The following HMX3 variants were observed in gnomAD, a reference collection of about 807,000 sequenced individuals.
HMX3 encodes H6 family homeobox 3, also known as homeobox protein HMX3.
A neutral mutation model predicts 22.8 loss-of-function variants in HMX3; 8 were observed. The ratio of observed to expected loss-of-function variants is 0.35; its 90% CI spans 0.21 to 0.63. The LOEUF is 0.63. Among genes scored for constraint, HMX3 ranks in the 30% least tolerant of loss-of-function variants. HMX3 has a pLI of 0.72. For synonymous variants in HMX3, 331 were observed against 250.9 expected (o/e 1.32, Z -3.02); for missense variants, 527 against 520.6 (o/e 1.01, Z -0.12).
Position 123,136,144 on chromosome 10 carries a change from TC to T in HMX3, c.96del (p.Ile33SerfsTer90). The T allele has an allele frequency of 8.2e-7, 1 of 1,213,436 alleles. No individual in the cohort carries two copies. Among genetic ancestry groups the T allele is most frequent in the South Asian group, 1.7e-5 (1 of 57,210 alleles). The allele number at this position is 1,213,436 out of a possible 1,614,324, so 75.2% of individuals were successfully genotyped here. A position where few individuals can be genotyped will look rare whatever the true frequency, so the allele number is the denominator to read the frequency against. On this transcript the variant is annotated frameshift_variant, in exon 1 of 2. Transcript: ENST00000357878. LOFTEE classifies it high-confidence loss of function. This position sits in a 1 kb window ranked among gnomAD's most constrained non-coding sequence, Gnocchi z 4.8. ...ACCCGCTCCCAAGGAGTCCCCGTTCTCCATCAAGAACCTGCTCAACGGAGAC... is the reference window on the plus strand; with the variant it reads ...ACCCGCTCCCAAGGAGTCCCCGTTCTCATCAAGAACCTGCTCAACGGAGAC... ...PPPAPKESPFSIKNLLNGDHH... is the reference protein window; with the variant it reads ...PPPAPKESPFXIKNLLNGDHH...
In HMX3 at chr10:123,136,330, C is replaced by T. The variant is rs367615610; in HGVS notation, c.280C>T (p.Pro94Ser). 1.9e-6 allele frequency: 3 copies of T among 1,569,416 alleles called. No individual in the cohort carries two copies. Among genetic ancestry groups the T allele is most frequent in the African/African-American group, 1.4e-5 (1 of 71,252 alleles). The change falls in exon 1 of 2, where the codon CCT (proline) becomes TCT (serine). Residue 94 changes from proline (P) to serine (S), a missense_variant. Physicochemically the swap from Pro to Ser is moderately conservative, Grantham distance 74. This residue lies in a region of HMX3 where 386 missense variants were observed against 337.8 expected (regional missense o/e 1.14). Transcript: ENST00000357878. The surrounding 1 kb of genome is among the most constrained non-coding windows in gnomAD (Gnocchi z 4.8). The stretch of plus-strand genomic sequence containing the variant: ...CTCGCAGGTGGGCGACCTGGCTTTC[C>T]CTCGCTTTGAGATCCCGGCGCAGAG... The part of the protein sequence containing the change: ...ALSQVGDLAF[P>S]RFEIPAQRFA...
Position 123,136,121 on chromosome 10 carries a change from C to T in HMX3, c.71C>T (p.Pro24Leu), listed in dbSNP as rs778583099. ...AQPQPPPPPPPAPKESPFSIK... is the reference protein window; with the variant it reads ...AQPQPPPPPPLAPKESPFSIK... ...CCCCAACCGCCGCCGCCCCCCCCAC[C>T]CGCTCCCAAGGAGTCCCCGTTCTCC... The change falls in exon 1 of 2, where the codon CCC becomes CTC. Residue 24 changes from proline (P) to leucine (L), a missense_variant. Physicochemically the swap from Pro to Leu is moderately conservative, Grantham distance 98. Transcript: ENST00000357878. The surrounding 1 kb of genome is among the most constrained non-coding windows in gnomAD (Gnocchi z 4.8). The T allele has an allele frequency of 4.3e-6, 6 of 1,380,400 alleles. No homozygotes were observed. In the South Asian group the frequency reaches 8.9e-5, roughly 20 times the overall value. The allele number at this position is 1,380,400 out of a possible 1,614,324, so 85.5% of individuals were successfully genotyped here. A position where few individuals can be genotyped will look rare whatever the true frequency, so the allele number is the denominator to read the frequency against.
rs553154092 is a variant in HMX3 at position 123,138,169 on chromosome 10, G to T, written c.*438G>T. 4.2e-4 allele frequency among the ~76,000 whole-genome samples: 47 copies of T among 112,454 alleles called. No homozygotes were observed. Among genetic ancestry groups the T allele is most frequent in the African/African-American group, 1.4e-3 (46 of 32,062 alleles). 73.8% of individuals were successfully genotyped at this position (112,454 alleles called of 152,430 possible). ...CTGCTTTTTTTTTTTTTTCCGAGACGGAATCTTGCTCTATCTATTGCCCAG... is the reference window on the plus strand; with the variant it reads ...CTGCTTTTTTTTTTTTTTCCGAGACTGAATCTTGCTCTATCTATTGCCCAG... On this transcript the variant is annotated 3_prime_UTR_variant, in exon 2 of 2. Coordinates refer to ENST00000357878, the MANE Select transcript of HMX3 (RefSeq NM_001105574.2).
rs1045692657 is a variant in HMX3, at chr10:123,136,750, G to T, written c.400+300G>T. Among the ~76,000 whole-genome samples the T allele has an allele frequency of 1.3e-5, 2 of 152,136 alleles. No homozygotes were observed. The highest frequency in any genetic ancestry group is 4.8e-5 in the African/African-American group (2 of 41,430). On this transcript the variant is annotated intron_variant, in intron 1 of 1. Transcript: ENST00000357878. This position sits in a 1 kb window ranked among gnomAD's most constrained non-coding sequence, Gnocchi z 4.8. ...CTTGGGACACGGCCTGGAAGGAGGG[G>T]GTGATTCCAATGCGCCTAAGCCGAA...
Position 123,137,119 on chromosome 10 carries a change from G to A in HMX3, c.462G>A (p.Pro154=), listed in dbSNP as rs376174176. The change falls in exon 2 of 2, where the codon CCG becomes CCA. Residue 154 remains proline, a synonymous_variant. Coordinates refer to ENST00000357878, the MANE Select transcript of HMX3 (RefSeq NM_001105574.2). The surrounding 1 kb of genome is among the most constrained non-coding windows in gnomAD (Gnocchi z 5.8). ...CCTCCGGCACAGACCGCGACTCTCC[G>A]GAGCCACTGCTCAAGGCCGACCCCG... is the stretch of plus-strand genomic sequence containing the variant. ...SPASGTDRDS[P]EPLLKADPDH... is the part of the protein sequence containing the mutation. The A allele has an allele frequency of 3.1e-6, 5 of 1,610,450 alleles. No individual in the cohort carries two copies. The South Asian group carries it at 4.4e-5, about 14-fold the overall frequency.
rs375516651 is a variant in HMX3, at chr10:123,136,437, C to A, written c.387C>A (p.Leu129=). 5.2e-4 allele frequency: 759 copies of A among 1,450,632 alleles called. 12 individuals carry two copies. The South Asian group carries it at 9.9e-3, about 19-fold the overall frequency. The allele number at this position is 1,450,632 out of a possible 1,614,324, so 89.9% of individuals were successfully genotyped here. A position where few individuals can be genotyped will look rare whatever the true frequency, so the allele number is the denominator to read the frequency against. ...PYTLTPAGGH[L]PRPEASEKAL... ...CCCTGACCCCCGCCGGCGGCCACCT[C>A]CCGCGACCTGAAGGTACCGACCTCT... The change falls in exon 1 of 2, where the codon CTC becomes CTA. Residue 129 remains leucine, a synonymous_variant. Coordinates refer to ENST00000357878, the MANE Select transcript of HMX3 (RefSeq NM_001105574.2). The surrounding 1 kb of genome is among the most constrained non-coding windows in gnomAD (Gnocchi z 4.8).
In HMX3 at chr10:123,138,554, C is replaced by A. The variant is rs1372566417; in HGVS notation, c.*823C>A. ...TTCTGGGTATGTTTCTTCCTCCCAACCCCCAAATCAGTTATCCACCTTAAT... is the reference window on the plus strand; with the variant it reads ...TTCTGGGTATGTTTCTTCCTCCCAAACCCCAAATCAGTTATCCACCTTAAT... On this transcript the variant is annotated 3_prime_UTR_variant, in exon 2 of 2. Transcript: ENST00000357878. Among the ~76,000 whole-genome samples, 5 of 152,176 alleles carry A rather than the reference C, an allele frequency of 3.3e-5. No homozygotes were observed. The highest frequency in any genetic ancestry group is 7.4e-5 in the Non-Finnish European group (5 of 68,022).
rs1420515670 is a variant in HMX3, at chr10:123,137,592, A to G, written c.935A>G (p.Glu312Gly). The change falls in exon 2 of 2, where the codon GAG (glutamate) becomes GGG (glycine). Residue 312 changes from glutamate to glycine, a missense_variant. This residue lies in a region of HMX3 where 100 missense variants were observed against 102.3 expected (regional missense o/e 0.98). Coordinates refer to ENST00000357878, the MANE Select transcript of HMX3 (RefSeq NM_001105574.2). This position sits in a 1 kb window ranked among gnomAD's most constrained non-coding sequence, Gnocchi z 5.8. Reference sequence around the variant, plus strand: ...GTGCGGGTGCCCATCCTCTACCACGAGAACTCGGCGGCCGAGGGCGCGGCG... The same window carrying G: ...GTGCGGGTGCCCATCCTCTACCACGGGAACTCGGCGGCCGAGGGCGCGGCG... ...RIVRVPILYH[E>G]NSAAEGAAAA... 4 of 1,594,188 alleles carry G rather than the reference A, an allele frequency of 2.5e-6. No homozygotes were observed. The South Asian group carries it at 4.4e-5, about 18-fold the overall frequency.
At position 123,137,246 on chromosome 10, in the gene HMX3, G is replaced by A. The variant is rs1253262299; in HGVS notation, c.589G>A (p.Gly197Arg). ...AGGCGAAGCGGCGCCAGGCGCGGCC[G>A]GGGCGAGCGTAGGGGCGGCGGCGGC... Reference protein sequence around the residue: ...KEGEAAPGAAGASVGAAAATP... With the variant: ...KEGEAAPGAARASVGAAAATP... The change falls in exon 2 of 2, where the codon GGG becomes AGG. Residue 197 changes from glycine to arginine, a missense_variant. By Grantham distance (125) the Gly-to-Arg change is moderately radical (BLOSUM62 -2). Around this residue, in one of 3 missense-constraint regions of HMX3, gnomAD observed 386 missense variants for 337.8 expected, o/e 1.14. Transcript: ENST00000357878. The surrounding 1 kb of genome is among the most constrained non-coding windows in gnomAD (Gnocchi z 5.8). The A allele has an allele frequency of 2.5e-6, 4 of 1,592,648 alleles. No individual in the cohort carries two copies. Among genetic ancestry groups the A allele is most frequent in the African/African-American group, 1.3e-5 (1 of 74,682 alleles).
chr10:123,136,350 G>T lies in HMX3; in HGVS notation c.300G>T (p.Ala100=). The change falls in exon 1 of 2, where the codon GCG becomes GCT. Residue 100 remains alanine, a synonymous_variant. Transcript: ENST00000357878. This position sits in a 1 kb window ranked among gnomAD's most constrained non-coding sequence, Gnocchi z 4.8. ...CTTTCCCTCGCTTTGAGATCCCGGC[G>T]CAGAGGTTTGCCCTGCCCGCGCACT... is the stretch of plus-strand genomic sequence containing the variant. ...DLAFPRFEIP[A]QRFALPAHYL... is the part of the protein sequence containing the mutation. 6.4e-7 allele frequency: 1 copy of T among 1,570,894 alleles called. No individual in the cohort carries two copies.
Position 123,137,470 on chromosome 10 carries a change from C to T in HMX3, c.813C>T (p.Val271=), listed in dbSNP as rs78832781. The change falls in exon 2 of 2, where the codon GTC becomes GTT. Residue 271 remains valine, a synonymous_variant. Coordinates refer to ENST00000357878, the MANE Select transcript of HMX3 (RefSeq NM_001105574.2). The surrounding 1 kb of genome is among the most constrained non-coding windows in gnomAD (Gnocchi z 5.8). ...CCCTGCACCTCACCGAGACGCAGGT[C>T]AAGATCTGGTTCCAGAACCGCCGCA... ...AASLHLTETQ[V]KIWFQNRRNK... 9.9e-6 allele frequency: 16 copies of T among 1,613,076 alleles called. No homozygotes were observed. The East Asian group carries it at 3.6e-4, about 36-fold the overall frequency.
rs183930640 is a variant in HMX3, at chr10:123,136,873, G to T, written c.401-185G>T. Among the ~76,000 whole-genome samples, 19 of 152,284 alleles carry T rather than the reference G, an allele frequency of 1.2e-4. No individual in the cohort carries two copies. The highest frequency in any genetic ancestry group is 5.2e-4 in the Admixed American group (8 of 15,302). ...GCTTGCCTGTCCTCGGGAGGAGGGG[G>T]ATCCCAGGACTCGGCGTCCCTTCTC... is the stretch of plus-strand genomic sequence containing the variant. On this transcript the variant is annotated intron_variant, in intron 1 of 1. Coordinates refer to ENST00000357878, the MANE Select transcript of HMX3 (RefSeq NM_001105574.2). The surrounding 1 kb of genome is among the most constrained non-coding windows in gnomAD (Gnocchi z 4.8).
rs186825216 is a variant in HMX3, at chr10:123,138,072, G to C, written c.*341G>C. Among the ~76,000 whole-genome samples the C allele has an allele frequency of 6.6e-6, 1 of 151,920 alleles. No homozygotes were observed. Among genetic ancestry groups the C allele is most frequent in the Non-Finnish European group, 1.5e-5 (1 of 68,016 alleles). On this transcript the variant is annotated 3_prime_UTR_variant, in exon 2 of 2. Coordinates refer to ENST00000357878, the MANE Select transcript of HMX3 (RefSeq NM_001105574.2). Reference sequence around the variant, plus strand: ...CCTCCCTTCCAAATTTCCATTGCGCGGTGGCTTTTTGGTTTTATTTTTATA... The same window carrying C: ...CCTCCCTTCCAAATTTCCATTGCGCCGTGGCTTTTTGGTTTTATTTTTATA...
chr10:123,137,110 C>A lies in HMX3; in HGVS notation c.453C>A (p.Arg151=), dbSNP rs1297555551. The A allele has an allele frequency of 6.2e-7, 1 of 1,610,830 alleles. No individual in the cohort carries two copies. The highest frequency in any genetic ancestry group is 1.1e-5 in the South Asian group (1 of 90,584). The change falls in exon 2 of 2, where the codon CGC becomes CGA. Residue 151 remains arginine (R), a synonymous_variant. Coordinates refer to ENST00000357878, the MANE Select transcript of HMX3 (RefSeq NM_001105574.2). The surrounding 1 kb of genome is among the most constrained non-coding windows in gnomAD (Gnocchi z 5.8). Reference sequence around the variant, plus strand: ...CCTCCCCCGCCTCCGGCACAGACCGCGACTCTCCGGAGCCACTGCTCAAGG... The same window carrying A: ...CCTCCCCCGCCTCCGGCACAGACCGAGACTCTCCGGAGCCACTGCTCAAGG... ...RDSSPASGTD[R]DSPEPLLKAD... is the part of the protein sequence containing the mutation.
Position 123,137,713 on chromosome 10 carries a change from G to T in HMX3, c.1056G>T (p.Pro352=). ...YYSHPVVSSV[P]LLRPV is the part of the protein sequence containing the mutation. ...CGCACCCGGTGGTCTCTTCCGTGCC[G>T]CTGCTACGGCCGGTCTGAGGCCCCA... Residue 352 remains proline (P), a synonymous_variant, in exon 2 of 2, where the codon CCG becomes CCT. Transcript: ENST00000357878. The surrounding 1 kb of genome is among the most constrained non-coding windows in gnomAD (Gnocchi z 5.8). The T allele has an allele frequency of 1.4e-6, 2 of 1,445,170 alleles. No homozygotes were observed. Among genetic ancestry groups the T allele is most frequent in the Non-Finnish European group, 1.8e-6 (2 of 1,105,828 alleles). The allele number at this position is 1,445,170 out of a possible 1,614,324, so 89.5% of individuals were successfully genotyped here.
chr10:123,136,107 G>GC lies in HMX3; in HGVS notation c.59dup (p.Pro21AlafsTer27). 17 of 1,316,488 alleles carry GC rather than the reference G, an allele frequency of 1.3e-5. No individual in the cohort carries two copies. The highest frequency in any genetic ancestry group is 1.7e-5 in the Non-Finnish European group (17 of 1,026,012). The allele number at this position is 1,316,488 out of a possible 1,614,324, so 81.6% of individuals were successfully genotyped here. ...CCGCCAGCGCACAGCCCCAACCGCC[G>GC]CCGCCCCCCCCACCCGCTCCCAAGG... is the stretch of plus-strand genomic sequence containing the variant. On this transcript the variant is annotated frameshift_variant, in exon 1 of 2. Coordinates refer to ENST00000357878, the MANE Select transcript of HMX3 (RefSeq NM_001105574.2). LOFTEE classifies it high-confidence loss of function. This position sits in a 1 kb window ranked among gnomAD's most constrained non-coding sequence, Gnocchi z 4.8.
rs1477922019 is a variant in HMX3, at chr10:123,136,577, G to C, written c.400+127G>C. The C allele has an allele frequency of 1.4e-6, 1 of 729,592 alleles. No individual in the cohort carries two copies. The highest frequency in any genetic ancestry group is 1.8e-5 in the African/African-American group (1 of 54,174). The allele number at this position is 729,592 out of a possible 1,614,324, so 45.2% of individuals were successfully genotyped here. On this transcript the variant is annotated intron_variant, in intron 1 of 1. Transcript: ENST00000357878. This position sits in a 1 kb window ranked among gnomAD's most constrained non-coding sequence, Gnocchi z 4.8. ...ACCCTCTGCTCGGTCAGTTTTTTTCGGCCCCTAGCCTGCCCTCGCGCTGGG... is the reference window on the plus strand; with the variant it reads ...ACCCTCTGCTCGGTCAGTTTTTTTCCGCCCCTAGCCTGCCCTCGCGCTGGG...
Sources: allele counts gnomAD v4.1 joint callset (sites outside exome capture counted in the v4.1 genomes callset), GRCh38; gene constraint gnomAD v4.1.1; regional missense constraint gnomAD v4.1.1; non-coding constraint Gnocchi (gnomAD v3.1); transcripts MANE v1.5; gene names NCBI Gene and HGNC (gene_info 2026-07-23, HGNC 2026-07-21).